The following DOCK9 variants were observed in gnomAD, a reference collection of about 807,000 sequenced individuals.
DOCK9 encodes dedicator of cytokinesis protein 9.
In DOCK9, 89 loss-of-function variants were observed where a neutral mutation model predicts 263.3. The observed-to-expected ratio is 0.34, with a 90% CI of 0.28 to 0.40. The LOEUF (loss-of-function observed/expected upper bound fraction) is 0.40, where lower values mean the gene tolerates loss of function less well. Ranked by LOEUF, DOCK9 falls within the 10% of genes least tolerant of loss-of-function variation. DOCK9 has a pLI of 1.00. For missense variants in DOCK9, 2,140 were observed against 2,603.4 expected (o/e 0.82, Z 3.87); for synonymous variants, 976 against 973.1 (o/e 1.00, Z -0.06).
chr13:98,918,463 A>G (rs1261448988), intron 7 of DOCK9, among the ~76,000 whole-genome samples: 1 of 152,168 alleles, frequency 6.6e-6, no homozygotes, highest in Non-Finnish European at 1.5e-5. Context: ...TTTATATGTT[A>G]TAACTTAACA....
intron 1 of DOCK9, among the ~76,000 whole-genome samples, chr13:99,029,185 C>A (rs1388180161): frequency 6.6e-6 from 1 of 152,164 alleles, no homozygotes; most frequent in Non-Finnish European, 1.5e-5. Context: ...ACTTACAGAA[C>A]CAGCCTTGTT....
rs764903864 is a variant in DOCK9, at chr13:98,833,840, C to T, written c.4315-2054G>A. On this transcript the variant is annotated intron_variant, in intron 39 of 52. Transcript: ENST00000682017. ...TGCCTTCTCATCACATAGAAGGTAACATACACTAAATACAAACACATCTTT... is the reference window on the plus strand; with the variant it reads ...TGCCTTCTCATCACATAGAAGGTAATATACACTAAATACAAACACATCTTT... 2.0e-5 allele frequency among the ~76,000 whole-genome samples: 3 copies of T among 152,296 alleles called. No individual in the cohort carries two copies. In the East Asian group the frequency reaches 5.8e-4, roughly 29 times the overall value.
chr13:98,997,537 C>A (rs943886654), intron 1 of DOCK9, among the ~76,000 whole-genome samples: 1 of 152,204 alleles, frequency 6.6e-6, no homozygotes, highest in African/African-American at 2.4e-5. Context: ...GAAGAGCAGA[C>A]CAGTAGCGAT....
chr13:99,029,119 G>C (rs1348579646), intron 1 of DOCK9, among the ~76,000 whole-genome samples: 1 of 152,144 alleles, frequency 6.6e-6, no homozygotes, highest in Non-Finnish European at 1.5e-5. Flanking sequence ...TTCTTCACCA[G>C]GGCAGCAGCA....
chr13:98,957,664 T>C (rs1567091667), intron 1 of DOCK9, among the ~76,000 whole-genome samples: 1 of 152,194 alleles, frequency 6.6e-6, no homozygotes, highest in African/African-American at 2.4e-5. Flanking sequence ...TTTTATTTGT[T>C]TGTCATACTG....
chr13:98,837,409 T>C (rs774733917), intron 39 of DOCK9, 85 bp downstream of exon 39: 22 of 865,438 alleles, frequency 2.5e-5, no homozygotes, highest in Non-Finnish European at 4.0e-5. Flanking sequence ...AAATGCAACA[T>C]AGTAAGTTTG....
intron 1 of DOCK9, among the ~76,000 whole-genome samples, chr13:99,022,584 A>G (rs1325532562): frequency 6.6e-6 from 1 of 152,214 alleles, no homozygotes; most frequent in Non-Finnish European, 1.5e-5. Context: ...TTCAGAGACC[A>G]CAGTCACTCA....
In DOCK9 at chr13:98,878,477, C is replaced by G. The variant is rs555322587; in HGVS notation, c.2943+1421G>C. Among the ~76,000 whole-genome samples the G allele has an allele frequency of 1.2e-4, 19 of 152,322 alleles. 1 individual carries two copies. The highest frequency in any genetic ancestry group is 4.6e-4 in the African/African-American group (19 of 41,572). The stretch of plus-strand genomic sequence containing the variant: ...TTCATCCAATCCACTTTTTTAGCTC[C>G]CACATATCAGTAAGACAACATTTTT... On this transcript the variant is annotated intron_variant, in intron 27 of 52. Transcript: ENST00000682017.
chr13:98,809,370 C>T lies in DOCK9; in HGVS notation c.5349G>A (p.Arg1783=), dbSNP rs2091076581. ...SGRRLLGTYF[R]VAFFGQGFFE... is the part of the protein sequence containing the mutation. ...GGCTCACCTGCCCGAAGAAGGCTAC[C>T]CGGAAGTAGGTCCCCAGAAGCCTGC... The change falls in exon 47 of 53, where the codon CGG becomes CGA. Residue 1783 remains arginine (R), a synonymous_variant. Coordinates refer to ENST00000682017, the MANE Select transcript of DOCK9 (RefSeq NM_001366683.2). 1 of 1,613,540 alleles carries T rather than the reference C, an allele frequency of 6.2e-7. No homozygotes were observed. The highest frequency in any genetic ancestry group is 8.5e-7 in the Non-Finnish European group (1 of 1,179,848).
At chr13:98,810,757 C>T (rs1594223502) in intron 45 of DOCK9, among the ~76,000 whole-genome samples, 1 of 152,158 alleles carries the variant, frequency 6.6e-6, no homozygotes, top group Non-Finnish European at 1.5e-5. Context: ...GCCTGCTTCA[C>T]CTTGGACATT....
intron 27 of DOCK9, among the ~76,000 whole-genome samples, chr13:98,879,516 A>G (rs933453379): frequency 6.6e-6 from 1 of 152,212 alleles, no homozygotes; most frequent in African/African-American, 2.4e-5. Flanking sequence ...CTGAAACCAC[A>G]ATTTCCATTT....
At chr13:98,868,125 T>G in intron 28 of DOCK9, 106 bp downstream of exon 28, 2 of 1,538,542 alleles carry the variant, frequency 1.3e-6, no homozygotes, top group Non-Finnish European at 1.8e-6. Context: ...AAACATGCCA[T>G]CAACATTGCC....
intron 1 of DOCK9, among the ~76,000 whole-genome samples, chr13:99,033,442 C>T (rs961925523): frequency 5.9e-5 from 9 of 152,160 alleles, no homozygotes; most frequent in African/African-American, 2.2e-4. Context: ...CGGGAATGCC[C>T]GTGGGTGACG....
At position 98,825,215 on chromosome 13, in the gene DOCK9, G is replaced by A. The variant is rs77035471; in HGVS notation, c.5024-711C>T. On this transcript the variant is annotated intron_variant, in intron 44 of 52. Transcript: ENST00000682017. This position sits in a 1 kb window ranked among gnomAD's most constrained non-coding sequence, Gnocchi z 4.1. Reference sequence around the variant, plus strand: ...GACAGCCCATTTGGGACCTTTCCTCGTCTTAGAGTCACTGGAAAACAGCTT... The same window carrying A: ...GACAGCCCATTTGGGACCTTTCCTCATCTTAGAGTCACTGGAAAACAGCTT... 0.017 allele frequency among the ~76,000 whole-genome samples: 2,646 copies of A among 152,240 alleles called. 35 individuals are homozygous for A. The highest frequency in any genetic ancestry group is 0.052 in the East Asian group (271 of 5,182).
In DOCK9 at chr13:98,845,806, T is replaced by C. The variant is rs573992304; in HGVS notation, c.4198+118A>G. 3.0e-6 allele frequency: 4 copies of C among 1,353,404 alleles called. No individual in the cohort carries two copies. The South Asian group carries it at 5.7e-5, about 19-fold the overall frequency. 83.8% of individuals were successfully genotyped at this position (1,353,404 alleles called of 1,614,324 possible). ...CTGTGCCATGAGCTCTTCATCCTACTTGCTTTGAGCTAGAAGAAAAATTGA... is the reference window on the plus strand; with the variant it reads ...CTGTGCCATGAGCTCTTCATCCTACCTGCTTTGAGCTAGAAGAAAAATTGA... On this transcript the variant is annotated intron_variant, in intron 38 of 52. Coordinates refer to ENST00000682017, the MANE Select transcript of DOCK9 (RefSeq NM_001366683.2).
At chr13:99,022,089 C>T (rs560202032) in intron 1 of DOCK9, among the ~76,000 whole-genome samples, 19 of 152,264 alleles carry the variant, frequency 1.2e-4, no homozygotes, top group African/African-American at 3.4e-4. Flanking sequence ...TTCAAAATTT[C>T]GACTTATTGC....
chr13:99,009,962 A>G (rs1274068977), intron 1 of DOCK9, among the ~76,000 whole-genome samples: 4 of 152,114 alleles, frequency 2.6e-5, no homozygotes. Flanking sequence ...TTGTAATGAC[A>G]GAGACATGAA....
intron 2 of DOCK9, among the ~76,000 whole-genome samples, chr13:98,933,985 C>T (rs552952387): frequency 4.3e-4 from 66 of 152,082 alleles, no homozygotes; most frequent in African/African-American, 1.5e-3. Flanking sequence ...GCAACCTTGC[C>T]GTTCTGGGCT....
At chr13:98,938,736 G>A (rs1489206875) in intron 2 of DOCK9, among the ~76,000 whole-genome samples, 1 of 152,108 alleles carries the variant, frequency 6.6e-6, no homozygotes, top group Non-Finnish European at 1.5e-5. Flanking sequence ...ACTTTACAAT[G>A]GGCTTAAACT....
Sources: gnomAD v4.1 joint callset for allele counts (sites outside exome capture counted in the v4.1 genomes callset) on GRCh38, gnomAD v4.1.1 for gene constraint, Gnocchi (gnomAD v3.1) non-coding constraint, MANE v1.5 for transcripts, NCBI Gene and HGNC (gene_info 2026-07-23, HGNC 2026-07-21) for gene names.